METTL6: variants seen among roughly 807,000 people sequenced by gnomAD.
METTL6 encodes the protein tRNA N(3)-cytidine methyltransferase METTL6.
METTL6 carries 22 observed loss-of-function variants against 26.4 expected under a neutral mutation model. The observed-to-expected ratio is 0.83, with a 90% CI of 0.59 to 1.19. The LOEUF is 1.19. Ranked by LOEUF, METTL6 falls within the 50% of genes most tolerant of loss-of-function variation. The pLI is 0.00. For synonymous variants in METTL6, 109 were observed against 116.2 expected, an observed-to-expected ratio of 0.94 and a Z score of 0.40; for missense variants, 304 against 324.8, an observed-to-expected ratio of 0.94 and a Z score of 0.49.
rs1440873593 is a variant in METTL6, at chr3:15,388,499, A to G, written c.*12-4312T>C. ...GATTGATCAGGTCAGAGATAAAATC[A>G]TAAGAAGCTGAAGCTGTCTTCTTGC... On this transcript the variant is annotated intron_variant, in intron 6 of 6. Transcript: ENST00000443029. Among the ~76,000 whole-genome samples the G allele has an allele frequency of 6.8e-4, 104 of 152,310 alleles. 1 individual carries two copies. Among genetic ancestry groups the G allele is most frequent in the Admixed American group, 6.8e-3 (104 of 15,292 alleles).
chr3:15,424,893 C>T, intron 3 of METTL6, 62 bp downstream of exon 3: 1 of 1,604,298 alleles, frequency 6.2e-7, no homozygotes, highest in Non-Finnish European at 8.5e-7. Context: ...ATAAAAAAGG[C>T]AGATCAAACA....
At position 15,416,994 on chromosome 3, in the gene METTL6, G is replaced by C. The variant is rs115211057; in HGVS notation, c.361-1052C>G. On this transcript the variant is annotated intron_variant, in intron 3 of 5. Transcript: ENST00000383790. ...CATAAAGTAAAAATCTTTAAGAATA[G>C]CCAAGTCAATTTTTAAAATGATGAA... is the stretch of plus-strand genomic sequence containing the variant. Among the ~76,000 whole-genome samples the C allele has an allele frequency of 5.4e-3, 825 of 152,228 alleles. 9 individuals are homozygous for C. Among genetic ancestry groups the C allele is most frequent in the African/African-American group, 0.019 (786 of 41,540 alleles).
upstream of METTL6, chr3:15,427,643 G>T (rs750301549): frequency 7.0e-4 from 601 of 855,514 alleles, 2 homozygotes; most frequent in Non-Finnish European, 1.0e-3. Flanking sequence ...CTGGACCCGG[G>T]TGGGTGCCGG....
chr3:15,386,655 ACCAGT>A (rs1575381177), intron 6 of METTL6, among the ~76,000 whole-genome samples: 1 of 152,160 alleles, frequency 6.6e-6, no homozygotes, highest in African/African-American at 2.4e-5. Context: ...TGTTTCCATT[ACCAGT>A]CAAGTGTTCC....
At chr3:15,386,721 A>G (rs1699210215) in intron 6 of METTL6, among the ~76,000 whole-genome samples, 1 of 151,892 alleles carries the variant, frequency 6.6e-6, no homozygotes, top group African/African-American at 2.4e-5. Context: ...CTCTTAGTGA[A>G]CGTGCCTTAG....
intron 6 of METTL6, among the ~76,000 whole-genome samples, chr3:15,391,270 T>C (rs915180546): frequency 1.3e-5 from 2 of 152,118 alleles, no homozygotes; most frequent in African/African-American, 4.8e-5. Flanking sequence ...GGTGGAAAAA[T>C]GGGGCTCCTG....
chr3:15,391,067 C>A (rs1699331958), intron 6 of METTL6, among the ~76,000 whole-genome samples: 1 of 152,164 alleles, frequency 6.6e-6, no homozygotes, highest in South Asian at 2.1e-4. Context: ...TCCAAAGCCG[C>A]ATCATCTGAA....
rs993646094 is a variant in METTL6 at position 15,422,578 on chromosome 3, T to C, written c.360+2377A>G. On this transcript the variant is annotated intron_variant, in intron 3 of 5. Transcript: ENST00000383790. The stretch of plus-strand genomic sequence containing the variant: ...AGTTTGAGGCTGCAGTGAGCTCTAA[T>C]ACACACCACTGCACTCCAGCCTGGG... Among the ~76,000 whole-genome samples the C allele has an allele frequency of 5.9e-5, 9 of 151,736 alleles. 1 individual carries two copies. The highest frequency in any genetic ancestry group is 2.6e-4 in the Admixed American group (4 of 15,220).
downstream of METTL6, among the ~76,000 whole-genome samples, chr3:15,408,941 C>T (rs1213901527): frequency 1.3e-5 from 2 of 152,036 alleles, no homozygotes; most frequent in Non-Finnish European, 2.9e-5. Context: ...CTGTGGGATT[C>T]ATTTGGCGGA....
intron 3 of METTL6, among the ~76,000 whole-genome samples, chr3:15,419,724 T>C (rs975532880): frequency 5.3e-5 from 8 of 152,214 alleles, no homozygotes; most frequent in African/African-American, 1.9e-4. Flanking sequence ...GGAATTCTGC[T>C]TCTTCCATTA....
chr3:15,399,043 G>A (rs995702412), intron 6 of METTL6, among the ~76,000 whole-genome samples: 8 of 152,044 alleles, frequency 5.3e-5, no homozygotes, highest in African/African-American at 7.2e-5. Flanking sequence ...GTCCTACTGC[G>A]CATTACATGA....
At chr3:15,386,480 G>A (rs1699193917) in intron 6 of METTL6, among the ~76,000 whole-genome samples, 1 of 152,158 alleles carries the variant, frequency 6.6e-6, no homozygotes, top group Non-Finnish European at 1.5e-5. Context: ...GGGCCAAGTG[G>A]GTGACTTGAG....
At chr3:15,394,226 G>T (rs1014464912) in intron 6 of METTL6, among the ~76,000 whole-genome samples, 4 of 152,164 alleles carry the variant, frequency 2.6e-5, no homozygotes, top group Non-Finnish European at 4.4e-5. Context: ...TTAGTCTTGG[G>T]AGAGTGTATG....
downstream of METTL6, among the ~76,000 whole-genome samples, chr3:15,409,150 G>T (rs772353289): frequency 6.6e-6 from 1 of 152,180 alleles, no homozygotes; most frequent in Non-Finnish European, 1.5e-5. Flanking sequence ...GAGCCCTGCT[G>T]CCTGCCCCTC....
At chr3:15,396,188 T>C (rs1699482956) in intron 6 of METTL6, among the ~76,000 whole-genome samples, 1 of 152,216 alleles carries the variant, frequency 6.6e-6, no homozygotes, top group African/African-American at 2.4e-5. Context: ...GAGGCTTTGT[T>C]CATTTCTTTT....
chr3:15,416,838 A>C (rs1377788323), intron 3 of METTL6, among the ~76,000 whole-genome samples: 1 of 152,206 alleles, frequency 6.6e-6, no homozygotes, highest in Non-Finnish European at 1.5e-5. Flanking sequence ...ATACAAAGTT[A>C]CTGGATGGGA....
Position 15,411,176 on chromosome 3 carries a change from T to C in METTL6, c.*80A>G. ...TCCCGAAGTGCTGGGATTACAGGCA[T>C]GAGCCACCGCACCCAGACGAAAGAG... On this transcript the variant is annotated 3_prime_UTR_variant, in exon 6 of 6. Coordinates refer to ENST00000383790, the MANE Select transcript of METTL6 (RefSeq NM_152396.4). The C allele has an allele frequency of 6.8e-6, 10 of 1,474,934 alleles. No individual in the cohort carries two copies. The highest frequency in any genetic ancestry group is 9.2e-6 in the Non-Finnish European group (10 of 1,091,678). 91.4% of individuals were successfully genotyped at this position (1,474,934 alleles called of 1,614,324 possible).
At chr3:15,391,744 C>T (rs60050342) in intron 6 of METTL6, among the ~76,000 whole-genome samples, 7,321 of 147,096 alleles carry the variant, frequency 0.05, 252 homozygotes, top group East Asian at 0.1. Flanking sequence ...TGAGAACATG[C>T]GGTGTTTGGT....
chr3:15,397,063 G>A (rs1277043903), intron 6 of METTL6, among the ~76,000 whole-genome samples: 2 of 152,200 alleles, frequency 1.3e-5, no homozygotes, highest in African/African-American at 2.4e-5. Context: ...CTTTTGTTTG[G>A]CTATGCCCGC....
Sources: allele counts gnomAD v4.1 joint callset (sites outside exome capture counted in the v4.1 genomes callset), GRCh38; gene constraint gnomAD v4.1.1; transcripts MANE v1.5; gene names NCBI Gene and HGNC (gene_info 2026-07-23, HGNC 2026-07-21).